The following SPON1 variants were observed in gnomAD, a reference collection of about 807,000 sequenced individuals.
SPON1 encodes the protein spondin-1.
A neutral mutation model predicts 111.7 loss-of-function variants in SPON1; 52 were observed. That is an observed-to-expected ratio of 0.47 (90% CI 0.37 to 0.59). The LOEUF (loss-of-function observed/expected upper bound fraction) is 0.59. Ranked by LOEUF, SPON1 falls within the 20% of genes least tolerant of loss-of-function variation. SPON1 has a pLI of 0.00. For synonymous variants in SPON1, 410 were observed against 395.8 expected (o/e 1.04, Z -0.43); for missense variants, 957 against 1,068.5 (o/e 0.90, Z 1.46).
intron 3 of SPON1, among the ~76,000 whole-genome samples, chr11:14,044,483 G>A (rs1290381787): frequency 2.0e-5 from 3 of 151,938 alleles, no homozygotes; most frequent in East Asian, 1.9e-4. Context: ...GTGGTGGTGC[G>A]CACCTGTAGT....
At chr11:14,082,186 GA>G (rs5789822) in intron 5 of SPON1, among the ~76,000 whole-genome samples, 39,928 of 150,298 alleles carry the variant, frequency 0.27, 6,020 homozygotes, top group South Asian at 0.43. Flanking sequence ...GGGAGGAGGT[GA>G]AAAAAAAAAA....
intron 2 of SPON1, among the ~76,000 whole-genome samples, chr11:14,027,108 T>C (rs1431687329): frequency 1.3e-5 from 2 of 152,124 alleles, no homozygotes; most frequent in Non-Finnish European, 2.9e-5. Flanking sequence ...AGGAGACTCG[T>C]CTGGACTTCT....
chr11:14,134,049 T>C lies in SPON1; in HGVS notation c.677-1371T>C, dbSNP rs1384936550. On this transcript the variant is annotated intron_variant, in intron 5 of 15. Coordinates refer to ENST00000576479, the MANE Select transcript of SPON1 (RefSeq NM_006108.4). ...GAACCACTTTCTTTCTTTCTTTTTT[T>C]TTTTTTTCTTTTTTCAAGAGTGTTT... Among the ~76,000 whole-genome samples, 437 of 151,224 alleles carry C rather than the reference T, an allele frequency of 2.9e-3. 1 individual carries two copies. The highest frequency in any genetic ancestry group is 9.7e-3 in the African/African-American group (400 of 41,272).
chr11:14,023,997 A>G (rs1554915013), intron 2 of SPON1, among the ~76,000 whole-genome samples: 2 of 51,620 alleles, frequency 3.9e-5, no homozygotes, highest in South Asian at 1.9e-3. Context: ...GCGAGACTCC[A>G]TCTCAAAGAA....
chr11:14,050,974 C>T (rs1191948895), intron 3 of SPON1, among the ~76,000 whole-genome samples: 1 of 152,206 alleles, frequency 6.6e-6, no homozygotes, highest in Non-Finnish European at 1.5e-5. Context: ...GCAGGCAAGA[C>T]GTGCATCATC....
At chr11:14,064,838 A>C (rs1848819943) in intron 3 of SPON1, among the ~76,000 whole-genome samples, 1 of 152,142 alleles carries the variant, frequency 6.6e-6, no homozygotes, top group Non-Finnish European at 1.5e-5. Flanking sequence ...TCCTTCACTT[A>C]ATCTTCTGTG....
At chr11:14,039,252 G>A (rs1293542420) in intron 2 of SPON1, among the ~76,000 whole-genome samples, 1 of 152,180 alleles carries the variant, frequency 6.6e-6, no homozygotes, top group Non-Finnish European at 1.5e-5. Flanking sequence ...ATACTACAAT[G>A]GTGGATACAT....
At chr11:13,965,468 G>C (rs2697839) in intron 1 of SPON1, among the ~76,000 whole-genome samples, 11,083 of 152,184 alleles carry the variant, frequency 0.073, 1,332 homozygotes, top group African/African-American at 0.25. Context: ...GGGCCAAAGA[G>C]GTTTCAGAAC....
intron 5 of SPON1, among the ~76,000 whole-genome samples, chr11:14,116,236 T>A (rs569356370): frequency 2.0e-4 from 31 of 152,294 alleles, no homozygotes; most frequent in Admixed American, 2.0e-3. Flanking sequence ...AGGATTTAAT[T>A]TAAATGTGGT....
chr11:14,218,297 A>G (rs547991232), intron 6 of SPON1, among the ~76,000 whole-genome samples: 16 of 152,190 alleles, frequency 1.1e-4, no homozygotes, highest in Non-Finnish European at 2.4e-4. Flanking sequence ...GCGGGTCTGC[A>G]TCCTGTCTGT....
chr11:14,187,746 C>G (rs1848301741), intron 6 of SPON1, among the ~76,000 whole-genome samples: 1 of 151,990 alleles, frequency 6.6e-6, no homozygotes, highest in Non-Finnish European at 1.5e-5. Context: ...TCCTGAGTAG[C>G]TGAGATTACA....
At chr11:14,180,147 C>G (rs1465142458) in intron 6 of SPON1, among the ~76,000 whole-genome samples, 4 of 152,110 alleles carry the variant, frequency 2.6e-5, no homozygotes, top group Non-Finnish European at 5.9e-5. Context: ...GCAGGGGTTC[C>G]CAGGATGTGA....
At chr11:14,249,396 C>T (rs2133921442) in intron 7 of SPON1, among the ~76,000 whole-genome samples, 1 of 152,334 alleles carries the variant, frequency 6.6e-6, no homozygotes, top group Non-Finnish European at 1.5e-5. Context: ...TAGGTCTAAG[C>T]ATCCAGATGG....
chr11:14,044,131 A>AAAGTCCATGTAATATTG (rs1423307661), intron 3 of SPON1, among the ~76,000 whole-genome samples: 1 of 152,226 alleles, frequency 6.6e-6, no homozygotes, highest in Non-Finnish European at 1.5e-5. Flanking sequence ...ATGTAATATT[A>AAAGTCCATGTAATATTG]AAGTCCATGT....
intron 6 of SPON1, among the ~76,000 whole-genome samples, chr11:14,205,487 T>A (rs1554936096): frequency 6.6e-6 from 1 of 152,228 alleles, no homozygotes; most frequent in African/African-American, 2.4e-5. Flanking sequence ...GCCCACATTC[T>A]CATAACCAAC....
chr11:14,021,077 C>T (rs1450624943), intron 2 of SPON1, among the ~76,000 whole-genome samples: 1 of 152,092 alleles, frequency 6.6e-6, no homozygotes, highest in Non-Finnish European at 1.5e-5. Context: ...AATGATCCAA[C>T]AGGTGGTTTT....
intron 6 of SPON1, among the ~76,000 whole-genome samples, chr11:14,211,125 G>A (rs10766173): frequency 0.46 from 70,364 of 151,826 alleles, 17,107 homozygotes; most frequent in Middle Eastern, 0.58. Context: ...AGAAGTTCTG[G>A]CCAGGGCAAT....
At chr11:14,103,362 A>G (rs1254999230) in intron 5 of SPON1, among the ~76,000 whole-genome samples, 1 of 152,180 alleles carries the variant, frequency 6.6e-6, no homozygotes, top group Admixed American at 6.5e-5. Flanking sequence ...AGAGGGCTTT[A>G]TGCTGCTGCC....
chr11:14,057,658 C>T (rs782629750), intron 3 of SPON1, among the ~76,000 whole-genome samples: 6 of 151,734 alleles, frequency 4.0e-5, no homozygotes, highest in South Asian at 2.1e-4. Context: ...TTTTTTATAC[C>T]GCTCTTGTAA....
Sources: gnomAD v4.1 joint callset for allele counts (sites outside exome capture counted in the v4.1 genomes callset) on GRCh38, gnomAD v4.1.1 for gene constraint, MANE v1.5 for transcripts, NCBI Gene and HGNC (gene_info 2026-07-23, HGNC 2026-07-21) for gene names.